Variants in GAK observed in about 807,000 individuals in gnomAD.
GAK encodes cyclin-G-associated kinase.
In GAK, 79 loss-of-function variants were observed where a neutral mutation model predicts 143.9. That is an observed-to-expected ratio of 0.55 (90% CI 0.46 to 0.66). The LOEUF (loss-of-function observed/expected upper bound fraction) is 0.66. GAK is among the 30% of genes least tolerant of loss of function. The pLI, the probability that GAK is intolerant of heterozygous loss-of-function variation, is 0.00. For missense variants in GAK, 1,693 were observed against 1,779.7 expected (o/e 0.95, Z 0.88); for synonymous variants, 881 against 765.5 (o/e 1.15, Z -2.49).
rs1242025965 is a variant in GAK, at chr4:877,130, T to G, written c.1934A>C (p.Tyr645Ser). ...GCCGCCCAGAGTGGACCGGGCGTGATAGATGACGATGAGCACGTCTCCTTG... is the reference window on the plus strand; with the variant it reads ...GCCGCCCAGAGTGGACCGGGCGTGAGAGATGACGATGAGCACGTCTCCTTG... ...TVQGDVLIVI[Y>S]HARSTLGGRL... is the part of the protein sequence containing the mutation. The change falls in exon 17 of 28, where the codon TAT (tyrosine) becomes TCT (serine). Residue 645 changes from tyrosine to serine, a missense_variant. Coordinates refer to ENST00000314167, the MANE Select transcript of GAK (RefSeq NM_005255.4). 1 of 1,613,728 alleles carries G rather than the reference T, an allele frequency of 6.2e-7. No individual in the cohort carries two copies. The highest frequency in any genetic ancestry group is 1.3e-5 in the African/African-American group (1 of 74,882).
At chr4:909,325 G>T (rs1471235860) in intron 4 of GAK, among the ~76,000 whole-genome samples, 1 of 152,274 alleles carries the variant, frequency 6.6e-6, no homozygotes, top group Admixed American at 6.5e-5. Context: ...GCGCAGGAGC[G>T]GGTGTCAGAG....
At chr4:893,728 C>A (rs549756956) in intron 8 of GAK, 146 bp downstream of exon 8, 26 of 1,018,040 alleles carry the variant, frequency 2.6e-5, no homozygotes, top group African/African-American at 2.1e-4. Flanking sequence ...TCTGGAAACC[C>A]CCCCCCCAGG....
chr4:926,182 C>A (rs796792897), intron 1 of GAK, among the ~76,000 whole-genome samples: 2 of 150,412 alleles, frequency 1.3e-5, no homozygotes, highest in East Asian at 1.9e-4. Context: ...TGACCTCCCC[C>A]AATGGTGAGC....
rs999590294 is a variant in GAK at position 896,389 on chromosome 4, G to A, written c.741+71C>T. On this transcript the variant is annotated intron_variant, in intron 7 of 27. Coordinates refer to ENST00000314167, the MANE Select transcript of GAK (RefSeq NM_005255.4). Reference sequence around the variant, plus strand: ...GGCCAGTTCCGAGTGGCAGGTGCCCGGCCCACGCCGCCTCAGGTTAAGTAG... The same window carrying A: ...GGCCAGTTCCGAGTGGCAGGTGCCCAGCCCACGCCGCCTCAGGTTAAGTAG... 20 of 1,196,684 alleles carry A rather than the reference G, an allele frequency of 1.7e-5. No individual in the cohort carries two copies. The Admixed American group carries it at 2.2e-4, about 13-fold the overall frequency. 74.1% of individuals were successfully genotyped at this position (1,196,684 alleles called of 1,614,324 possible).
In GAK at chr4:882,620, C is replaced by T. The variant is rs1715370693; in HGVS notation, c.1527+77G>A. On this transcript the variant is annotated intron_variant, in intron 14 of 27. Transcript: ENST00000314167. ...AACAGGCCCCAGCTCATGACTGGCG[C>T]TCAGATCCTGTTGAACTATGCATGA... is the stretch of plus-strand genomic sequence containing the variant. 7 of 1,555,730 alleles carry T rather than the reference C, an allele frequency of 4.5e-6. No individual in the cohort carries two copies. The Middle Eastern group carries it at 5.4e-4, about 120-fold the overall frequency.
chr4:895,390 G>C (rs1211962910), intron 7 of GAK, among the ~76,000 whole-genome samples: 15 of 152,248 alleles, frequency 9.9e-5, no homozygotes, highest in Admixed American at 8.5e-4. Flanking sequence ...GAGCCGGCCA[G>C]GAGTGTCCTC....
At chr4:904,138 C>T (rs1349605133) in intron 5 of GAK, among the ~76,000 whole-genome samples, 1 of 152,124 alleles carries the variant, frequency 6.6e-6, no homozygotes, top group Non-Finnish European at 1.5e-5. Flanking sequence ...CCTTGTGGTC[C>T]CTGTGGATGA....
intron 23 of GAK, among the ~76,000 whole-genome samples, chr4:862,080 G>C (rs1210556685): frequency 6.6e-6 from 1 of 151,950 alleles, no homozygotes; most frequent in Non-Finnish European, 1.5e-5. Context: ...GGCTGCACCC[G>C]CCAGACTCTC....
chr4:858,393 G>A (rs1416672128), intron 24 of GAK, among the ~76,000 whole-genome samples: 1 of 152,136 alleles, frequency 6.6e-6, no homozygotes, highest in African/African-American at 2.4e-5. Context: ...GGCTGTGTCT[G>A]GGACACAAAC....
chr4:866,351 G>C lies in GAK; in HGVS notation c.3043+13C>G. 6.2e-7 allele frequency: 1 copy of C among 1,612,804 alleles called. No homozygotes were observed. On this transcript the variant is annotated intron_variant, in intron 22 of 27. Coordinates refer to ENST00000314167, the MANE Select transcript of GAK (RefSeq NM_005255.4). ...GGCCATGGAGAGCTGGCTGCCAGGC[G>C]AGAGGCACTTACCCAGGTGCAGGAA...
intron 15 of GAK, among the ~76,000 whole-genome samples, chr4:879,589 C>A (rs1266687447): frequency 6.6e-6 from 1 of 152,222 alleles, no homozygotes; most frequent in Non-Finnish European, 1.5e-5. Flanking sequence ...CCACCTCCAA[C>A]ACTTCCTCTG....
intron 24 of GAK, among the ~76,000 whole-genome samples, chr4:855,782 A>G (rs7667270): frequency 6.6e-6 from 1 of 151,864 alleles, no homozygotes; most frequent in Non-Finnish European, 1.5e-5. Flanking sequence ...TGGTGAAACC[A>G]TGTCTCTACT....
At chr4:898,294 TGC>T in intron 5 of GAK, 136 bp from the exon 6 acceptor site, 1 of 921,334 alleles carries the variant, frequency 1.1e-6, no homozygotes, top group Non-Finnish European at 1.7e-6. Flanking sequence ...GCCGGGTGCC[TGC>T]AGCACCTCAC....
chr4:854,100 C>T (rs1035844055), intron 24 of GAK, among the ~76,000 whole-genome samples: 1 of 151,422 alleles, frequency 6.6e-6, no homozygotes, highest in African/African-American at 2.4e-5. Context: ...GCCCGGCCGT[C>T]TCTCGCCCAT....
intron 1 of GAK, among the ~76,000 whole-genome samples, chr4:914,282 A>C: frequency 1.2e-5 from 1 of 83,268 alleles, no homozygotes; most frequent in Non-Finnish European, 2.2e-5. Flanking sequence ...ACGGCCACAC[A>C]CACACACAGC....
intron 16 of GAK, 58 bp downstream of exon 16, chr4:877,557 C>G: frequency 1.3e-6 from 2 of 1,500,976 alleles, no homozygotes; most frequent in South Asian, 1.3e-5. Context: ...TCCTCTTTAA[C>G]GGTTTTCCGG....
chr4:890,067 C>T (rs995772862), intron 10 of GAK, among the ~76,000 whole-genome samples: 3 of 152,248 alleles, frequency 2.0e-5, no homozygotes, highest in African/African-American at 7.2e-5. Context: ...AGGCCTGGCC[C>T]TTCATTCCCA....
intron 4 of GAK, among the ~76,000 whole-genome samples, chr4:906,074 C>G (rs1253342389): frequency 7.2e-5 from 11 of 152,180 alleles, no homozygotes; most frequent in Admixed American, 2.6e-4. Context: ...ATCGGCATCC[C>G]AGCAGTTGAG....
At chr4:861,277 TTAG>T (rs1439150253) in intron 23 of GAK, among the ~76,000 whole-genome samples, 1 of 152,138 alleles carries the variant, frequency 6.6e-6, no homozygotes, top group Non-Finnish European at 1.5e-5. Context: ...ACAACTGAGC[TTAG>T]TGAGCAAGGC....
Sources: allele counts gnomAD v4.1 joint callset (sites outside exome capture counted in the v4.1 genomes callset), GRCh38; gene constraint gnomAD v4.1.1; transcripts MANE v1.5; gene names NCBI Gene and HGNC (gene_info 2026-07-23, HGNC 2026-07-21).